STPG2: variants seen among roughly 807,000 people sequenced by gnomAD.
The protein encoded by STPG2 is sperm-tail PG-rich repeat-containing protein 2.
STPG2 carries 56 observed loss-of-function variants against 54.2 expected under a neutral mutation model. The observed-to-expected ratio is 1.03, with a 90% CI of 0.83 to 1.29. The LOEUF is 1.29. STPG2 is among the 50% of genes most tolerant of loss of function. The probability of loss-of-function intolerance (pLI) is 0.00; values close to 1 mark genes in which losing one functional copy is unlikely to be tolerated. For synonymous variants in STPG2, 200 were observed against 181.8 expected (o/e 1.10, Z -0.81); for missense variants, 596 against 544.9 (o/e 1.09, Z -0.93).
intron 10 of STPG2, among the ~76,000 whole-genome samples, chr4:97,602,482 C>T (rs1208642847): frequency 6.6e-6 from 1 of 151,710 alleles, no homozygotes; most frequent in Non-Finnish European, 1.5e-5. Context: ...AAATATCACG[C>T]ATCTTTTTCT....
chr4:97,991,430 A>AGTGTGTGTGTGT (rs150498433), intron 5 of STPG2, among the ~76,000 whole-genome samples: 2 of 141,428 alleles, frequency 1.4e-5, no homozygotes, highest in African/African-American at 5.4e-5. Flanking sequence ...AATACTACTC[A>AGTGTGTGTGTGT]GTGTGTGTGT....
chr4:97,641,704 T>C (rs1433040393), intron 10 of STPG2, among the ~76,000 whole-genome samples: 1 of 151,294 alleles, frequency 6.6e-6, no homozygotes, highest in Non-Finnish European at 1.5e-5. Flanking sequence ...GAAAAAAAAA[T>C]TGAACATACA....
chr4:97,689,810 A>G (rs2148987285), intron 10 of STPG2, among the ~76,000 whole-genome samples: 1 of 152,188 alleles, frequency 6.6e-6, no homozygotes, highest in East Asian at 1.9e-4. Flanking sequence ...GTTTTCATAA[A>G]AACAAATTAG....
At position 98,103,590 on chromosome 4, in the gene STPG2, G is replaced by A. The variant is rs974466531; in HGVS notation, c.612+2363C>T. The stretch of plus-strand genomic sequence containing the variant: ...CAGGAGGCGGAGGTTGCAGTGAGCC[G>A]AGATCGTACCATTGCACTCCAGCCT... On this transcript the variant is annotated intron_variant, in intron 5 of 10. Transcript: ENST00000295268. Among the ~76,000 whole-genome samples, 14 of 151,808 alleles carry A rather than the reference G, an allele frequency of 9.2e-5. 1 individual carries two copies. The highest frequency in any genetic ancestry group is 7.7e-4 in the East Asian group (4 of 5,164).
chr4:97,809,129 CAT>C (rs1242371737), intron 9 of STPG2, among the ~76,000 whole-genome samples: 2 of 151,948 alleles, frequency 1.3e-5, no homozygotes, highest in African/African-American at 4.8e-5. Flanking sequence ...TGTTGAGTGA[CAT>C]ATGGAAGAAG....
intron 10 of STPG2, among the ~76,000 whole-genome samples, chr4:97,672,868 T>C (rs1199881301): frequency 2.0e-5 from 3 of 152,192 alleles, no homozygotes; most frequent in Admixed American, 2.0e-4. Context: ...GAAAAGGCAG[T>C]TGGAGGCTTC....
At chr4:98,015,404 A>G (rs1399896493) in intron 5 of STPG2, among the ~76,000 whole-genome samples, 1 of 152,244 alleles carries the variant, frequency 6.6e-6, no homozygotes, top group Non-Finnish European at 1.5e-5. Flanking sequence ...AAATGATATG[A>G]ATAGACACTT....
chr4:98,125,018 G>A (rs1395268997), intron 3 of STPG2, among the ~76,000 whole-genome samples: 2 of 152,150 alleles, frequency 1.3e-5, no homozygotes, highest in Non-Finnish European at 2.9e-5. Flanking sequence ...GTGTTTTTCA[G>A]CTCCATCAAG....
chr4:97,443,821 G>A (rs1286543478), intron 4 of STPG2, among the ~76,000 whole-genome samples: 1 of 152,126 alleles, frequency 6.6e-6, no homozygotes, highest in Non-Finnish European at 1.5e-5. Context: ...TACTAGGCAT[G>A]TCAGGAGATA....
intron 8 of STPG2, among the ~76,000 whole-genome samples, chr4:97,930,065 A>C (rs1384764162): frequency 3.3e-5 from 5 of 151,798 alleles, no homozygotes; most frequent in Non-Finnish European, 5.9e-5. Flanking sequence ...CGCCCAGCTA[A>C]TTTTTGTATT....
chr4:98,131,310 C>T lies in STPG2; in HGVS notation c.223-2718G>A, dbSNP rs1010461646. On this transcript the variant is annotated intron_variant, in intron 2 of 10. Coordinates refer to ENST00000295268, the MANE Select transcript of STPG2 (RefSeq NM_174952.3). ...TAACAGTATTATACTGAATTTCATT[C>T]GTTATTTTCCTGTTAAAATTATACA... is the stretch of plus-strand genomic sequence containing the variant. Among the ~76,000 whole-genome samples, 11 of 151,996 alleles carry T rather than the reference C, an allele frequency of 7.2e-5. No homozygotes were observed. The South Asian group carries it at 1.0e-3, about 14-fold the overall frequency.
At chr4:97,988,298 CCAAA>C (rs1014344028) in intron 5 of STPG2, among the ~76,000 whole-genome samples, 1 of 152,140 alleles carries the variant, frequency 6.6e-6, no homozygotes, top group African/African-American at 2.4e-5. Context: ...ATTACCACCT[CCAAA>C]CAATTTATGT....
chr4:97,883,225 A>T (rs1397844771), intron 8 of STPG2, among the ~76,000 whole-genome samples: 3 of 151,592 alleles, frequency 2.0e-5, no homozygotes, highest in African/African-American at 7.3e-5. Flanking sequence ...ACATATATGT[A>T]TATATTTTTT....
chr4:97,878,950 C>T (rs1344077399), intron 8 of STPG2, among the ~76,000 whole-genome samples: 2 of 152,070 alleles, frequency 1.3e-5, no homozygotes, highest in African/African-American at 4.8e-5. Flanking sequence ...TGCTTTGCTG[C>T]TTAGAAATTT....
chr4:98,025,819 T>C (rs1030932896), intron 5 of STPG2: 13 of 1,592,904 alleles, frequency 8.2e-6, no homozygotes, highest in Non-Finnish European at 7.7e-6. Context: ...TTACCTGCTA[T>C]TTGGATGCAG....
intron 8 of STPG2, among the ~76,000 whole-genome samples, chr4:97,926,615 C>G (rs1211717735): frequency 6.6e-6 from 1 of 152,096 alleles, no homozygotes; most frequent in Non-Finnish European, 1.5e-5. Context: ...CTTTCCATGC[C>G]TTTGCATTTC....
chr4:97,820,036 C>T (rs943769081), intron 9 of STPG2, among the ~76,000 whole-genome samples: 6 of 151,888 alleles, frequency 4.0e-5, no homozygotes, highest in Admixed American at 6.6e-5. Context: ...GCTCTCAGTG[C>T]CATTTTTCTA....
intron 9 of STPG2, among the ~76,000 whole-genome samples, chr4:97,713,784 T>G (rs1223440463): frequency 6.6e-6 from 1 of 152,176 alleles, no homozygotes; most frequent in African/African-American, 2.4e-5. Context: ...GGACCTGTGG[T>G]CTAGTGAATG....
chr4:97,449,020 CAT>C (rs1348633142), intron 4 of STPG2, among the ~76,000 whole-genome samples: 1 of 151,864 alleles, frequency 6.6e-6, no homozygotes, highest in African/African-American at 2.4e-5. Flanking sequence ...TGATATCTTA[CAT>C]GTTTGGATTC....
Sources: gnomAD v4.1 joint callset for allele counts (sites outside exome capture counted in the v4.1 genomes callset) on GRCh38, gnomAD v4.1.1 for gene constraint, MANE v1.5 for transcripts, NCBI Gene and HGNC (gene_info 2026-07-23, HGNC 2026-07-21) for gene names.